The following DNER variants were observed in gnomAD, a reference collection of about 807,000 sequenced individuals.
The protein encoded by DNER is delta/notch like EGF repeat containing, also known as delta and Notch-like epidermal growth factor-related receptor.
In DNER, 33 loss-of-function variants were observed where a neutral mutation model predicts 78.2. That is an observed-to-expected ratio of 0.42 (90% confidence interval 0.32 to 0.56). DNER has a LOEUF of 0.56. Ranked by LOEUF, DNER falls within the 20% of genes least tolerant of loss-of-function variation. The pLI is 0.11. For synonymous variants in DNER, 417 were observed against 384.8 expected (o/e 1.08, Z -0.98); for missense variants, 918 against 975.3 (o/e 0.94, Z 0.78).
chr2:229,560,756 G>C (rs1696942625), intron 4 of DNER, among the ~76,000 whole-genome samples: 1 of 152,130 alleles, frequency 6.6e-6, no homozygotes, highest in Non-Finnish European at 1.5e-5. Flanking sequence ...CTTGAGCCAG[G>C]ACCCAGTCCA....
chr2:229,365,492 A>G (rs543746512), intron 12 of DNER, among the ~76,000 whole-genome samples: 2 of 152,334 alleles, frequency 1.3e-5, no homozygotes, highest in South Asian at 4.1e-4. Flanking sequence ...GTTGGAGTGC[A>G]GTGGTGCCAT....
intron 10 of DNER, among the ~76,000 whole-genome samples, chr2:229,390,742 T>C (rs1157675500): frequency 2.6e-5 from 4 of 152,226 alleles, no homozygotes; most frequent in Non-Finnish European, 5.9e-5. Context: ...AAATAAACCC[T>C]ATGCCAGTCA....
At chr2:229,601,743 T>G (rs1456337160) in intron 1 of DNER, among the ~76,000 whole-genome samples, 1 of 152,224 alleles carries the variant, frequency 6.6e-6, no homozygotes, top group African/African-American at 2.4e-5. Flanking sequence ...TCATGCTGTC[T>G]CTTTAAAACA....
chr2:229,612,244 G>A (rs533088016), intron 1 of DNER, among the ~76,000 whole-genome samples: 13 of 152,266 alleles, frequency 8.5e-5, no homozygotes, highest in South Asian at 4.1e-4. Context: ...AACTCTGATC[G>A]GTGGAATTGG....
chr2:229,499,916 G>C (rs770598583), intron 6 of DNER, among the ~76,000 whole-genome samples: 26 of 140,348 alleles, frequency 1.9e-4, no homozygotes, highest in Admixed American at 9.6e-4. Flanking sequence ...CAAAAAATCT[G>C]AATAGACTTT....
chr2:229,373,698 T>C (rs1692538629), intron 11 of DNER, among the ~76,000 whole-genome samples: 1 of 152,020 alleles, frequency 6.6e-6, no homozygotes, highest in African/African-American at 2.4e-5. Context: ...TGCCTGCCCA[T>C]CAAAGATGGA....
chr2:229,405,531 A>G (rs578250837), intron 10 of DNER, among the ~76,000 whole-genome samples: 1 of 152,296 alleles, frequency 6.6e-6, no homozygotes, highest in East Asian at 1.9e-4. Context: ...CTTTTAAAAA[A>G]TCATATTTCA....
chr2:229,702,916 C>CAAAAAAAAAA (rs775005338), intron 1 of DNER, among the ~76,000 whole-genome samples: 1 of 103,920 alleles, frequency 9.6e-6, no homozygotes, highest in Non-Finnish European at 1.8e-5. Flanking sequence ...GACTCCGCCT[C>CAAAAAAAAAA]AAAAAAAAAA....
At chr2:229,472,468 G>A (rs1218973002) in intron 7 of DNER, among the ~76,000 whole-genome samples, 2 of 152,092 alleles carry the variant, frequency 1.3e-5, no homozygotes, top group Admixed American at 1.3e-4. Flanking sequence ...GTGGAAGGGA[G>A]ATGGAATTAA....
In DNER at chr2:229,697,927, C is replaced by T. The variant is rs559381155; in HGVS notation, c.276+16221G>A. Among the ~76,000 whole-genome samples the T allele has an allele frequency of 1.2e-4, 19 of 152,284 alleles. No homozygotes were observed. The East Asian group carries it at 3.1e-3, about 25-fold the overall frequency. ...GAGCAGGGCTGGGCACATTGGTTCACGCCTGTAATCCTAACACTTTGGGAG... is the reference window on the plus strand; with the variant it reads ...GAGCAGGGCTGGGCACATTGGTTCATGCCTGTAATCCTAACACTTTGGGAG... On this transcript the variant is annotated intron_variant, in intron 1 of 12. Transcript: ENST00000341772.
chr2:229,618,771 A>G lies in DNER; in HGVS notation c.277-26883T>C, dbSNP rs719946. Among the ~76,000 whole-genome samples the G allele has an allele frequency of 9.3e-3, 1,413 of 152,310 alleles. 21 individuals are homozygous for G. The highest frequency in any genetic ancestry group is 0.032 in the African/African-American group (1,346 of 41,554). ...CAGTAACTGTTATATAAGCTAAATA[A>G]AATGATATTCCTCTTTTTAAATTTC... On this transcript the variant is annotated intron_variant, in intron 1 of 12. Coordinates refer to ENST00000341772, the MANE Select transcript of DNER (RefSeq NM_139072.4).
intron 7 of DNER, among the ~76,000 whole-genome samples, chr2:229,461,383 A>C (rs1279339325): frequency 6.6e-6 from 1 of 152,028 alleles, no homozygotes; most frequent in African/African-American, 2.4e-5. Context: ...CGGTCAACCT[A>C]GTAATAATGA....
At chr2:229,516,399 C>A (rs568242797) in intron 5 of DNER, among the ~76,000 whole-genome samples, 1 of 152,204 alleles carries the variant, frequency 6.6e-6, no homozygotes, top group African/African-American at 2.4e-5. Flanking sequence ...AATCACTAAT[C>A]TAACTCCAAT....
intron 1 of DNER, among the ~76,000 whole-genome samples, chr2:229,702,865 T>C (rs1347577784): frequency 2.2e-5 from 3 of 136,426 alleles, no homozygotes; most frequent in South Asian, 2.2e-4. Context: ...TGCAGTGAGC[T>C]GAGACCGTGC....
At chr2:229,611,030 C>T (rs1448680812) in intron 1 of DNER, among the ~76,000 whole-genome samples, 1 of 152,128 alleles carries the variant, frequency 6.6e-6, no homozygotes, top group East Asian at 1.9e-4. Context: ...CATATCTTAC[C>T]AAAGCTGGGT....
intron 9 of DNER, among the ~76,000 whole-genome samples, chr2:229,416,701 T>G (rs1693660018): frequency 6.6e-6 from 1 of 152,232 alleles, no homozygotes; most frequent in Non-Finnish European, 1.5e-5. Context: ...CAGTTCTCTC[T>G]GGAGCCCTCA....
At chr2:229,712,915 A>G (rs909156384) in intron 1 of DNER, among the ~76,000 whole-genome samples, 2 of 152,244 alleles carry the variant, frequency 1.3e-5, no homozygotes, top group African/African-American at 2.4e-5. Context: ...GATTCTAGAT[A>G]AATGCAAAAA....
intron 3 of DNER, 109 bp downstream of exon 3, chr2:229,588,285 A>C: frequency 2.1e-6 from 2 of 953,268 alleles, no homozygotes; most frequent in Non-Finnish European, 3.2e-6. Context: ...GAATCTGTTC[A>C]CGATTCTCAC....
chr2:229,585,178 A>G (rs1372341191), intron 4 of DNER, among the ~76,000 whole-genome samples: 1 of 152,230 alleles, frequency 6.6e-6, no homozygotes, highest in Non-Finnish European at 1.5e-5. Context: ...TTATCCTGAG[A>G]GACCAACATC....
Sources: gnomAD v4.1 joint callset for allele counts (sites outside exome capture counted in the v4.1 genomes callset) on GRCh38, gnomAD v4.1.1 for gene constraint, MANE v1.5 for transcripts, NCBI Gene and HGNC (gene_info 2026-07-23, HGNC 2026-07-21) for gene names.